PCDH7: variants seen among roughly 807,000 people sequenced by gnomAD.
PCDH7 encodes protocadherin-7.
Under a neutral mutation model 58.9 loss-of-function variants are expected in PCDH7, and 17 were observed. The observed-to-expected ratio is 0.29, with a 90% confidence interval of 0.20 to 0.43. PCDH7 has a LOEUF of 0.43. Among genes scored for constraint, PCDH7 ranks in the 20% least tolerant of loss-of-function variants. The pLI, the probability that PCDH7 is intolerant of heterozygous loss-of-function variation, is 1.00. For missense variants in PCDH7, 1,274 were observed against 1,441.0 expected (o/e 0.88, Z 1.88); for synonymous variants, 664 against 616.4 (o/e 1.08, Z -1.14).
intron 1 of PCDH7, among the ~76,000 whole-genome samples, chr4:30,748,059 G>A (rs1717998911): frequency 6.6e-6 from 1 of 152,146 alleles, no homozygotes; most frequent in Non-Finnish European, 1.5e-5. Flanking sequence ...TAAAATGAAA[G>A]GTTTATTCTC....
chr4:31,077,385 G>A (rs1426327317), intron 3 of PCDH7, among the ~76,000 whole-genome samples: 1 of 147,832 alleles, frequency 6.8e-6, no homozygotes, highest in Non-Finnish European at 1.5e-5. Context: ...CTCCAGCCTG[G>A]GCAACAAGAG....
intron 1 of PCDH7, among the ~76,000 whole-genome samples, chr4:30,916,151 A>G (rs993940235): frequency 5.3e-5 from 8 of 152,084 alleles, no homozygotes; most frequent in Non-Finnish European, 8.8e-5. Context: ...TGAATTAATG[A>G]CTCAATCCAA....
chr4:30,771,660 T>C (rs1209237428), intron 1 of PCDH7, among the ~76,000 whole-genome samples: 1 of 152,224 alleles, frequency 6.6e-6, no homozygotes, highest in Non-Finnish European at 1.5e-5. Context: ...AGAAAATATT[T>C]TGTAACTTTA....
At position 30,721,368 on chromosome 4, in the gene PCDH7, G is replaced by T; in HGVS notation, c.-55G>T. ...GGCAGGCGGCCGGCCCCGGAGGAGG[G>T]GGGCGCCGAGGGGGCTGTGGTTAGA... On this transcript the variant is annotated 5_prime_UTR_variant, in exon 1 of 2. Transcript: ENST00000361762. This position sits in a 1 kb window ranked among gnomAD's most constrained non-coding sequence, Gnocchi z 6.7. The T allele has an allele frequency of 7.0e-7, 1 of 1,421,448 alleles. No homozygotes were observed. The highest frequency in any genetic ancestry group is 1.5e-5 in the South Asian group (1 of 67,316). The allele number at this position is 1,421,448 out of a possible 1,614,324, so 88.1% of individuals were successfully genotyped here.
rs1316659124 is a variant in PCDH7, at chr4:31,142,692, T to A, written c.*227T>A. 3 of 1,367,712 alleles carry A rather than the reference T, an allele frequency of 2.2e-6. No homozygotes were observed. The African/African-American group carries it at 4.4e-5, about 20-fold the overall frequency. The allele number at this position is 1,367,712 out of a possible 1,614,324, so 84.7% of individuals were successfully genotyped here. A position where few individuals can be genotyped will look rare whatever the true frequency, so the allele number is the denominator to read the frequency against. Reference sequence around the variant, plus strand: ...ATCATGGGTGACCGCAACAGAAACCTCCTGAACAAAAAGTTGACCTCATCC... The same window carrying A: ...ATCATGGGTGACCGCAACAGAAACCACCTGAACAAAAAGTTGACCTCATCC... On this transcript the variant is annotated 3_prime_UTR_variant, in exon 4 of 4. Transcript: ENST00000509759.
Position 31,034,682 on chromosome 4 carries a change from T to C in PCDH7, c.*7+84467T>C, listed in dbSNP as rs148701070. Among the ~76,000 whole-genome samples the C allele has an allele frequency of 8.3e-4, 126 of 152,324 alleles. No individual in the cohort carries two copies. In the East Asian group the frequency reaches 0.021, roughly 26 times the overall value. ...ATCTATCGTCATTTCATCATTTCCCTGCCCATTGCTTCCACATTTATCCTA... is the reference window on the plus strand; with the variant it reads ...ATCTATCGTCATTTCATCATTTCCCCGCCCATTGCTTCCACATTTATCCTA... On this transcript the variant is annotated intron_variant, in intron 3 of 3. Coordinates refer to the PCDH7 transcript ENST00000509759.
chr4:30,986,440 C>A (rs549128470), intron 3 of PCDH7, among the ~76,000 whole-genome samples: 4 of 151,964 alleles, frequency 2.6e-5, no homozygotes, highest in South Asian at 2.1e-4. Context: ...AAGGAAAAAA[C>A]CCACCTATTT....
At chr4:30,727,935 T>A (rs954315614) in intron 1 of PCDH7, among the ~76,000 whole-genome samples, 2 of 151,882 alleles carry the variant, frequency 1.3e-5, no homozygotes, top group South Asian at 4.1e-4. Context: ...CACTTACAAG[T>A]AAAAATTTTA....
chr4:31,081,372 T>C (rs1043940912), intron 3 of PCDH7, among the ~76,000 whole-genome samples: 3 of 152,214 alleles, frequency 2.0e-5, no homozygotes, highest in Non-Finnish European at 4.4e-5. Flanking sequence ...AGTTTTTCTA[T>C]TCAATTAATT....
chr4:31,093,615 GA>G (rs1404235812), intron 3 of PCDH7, among the ~76,000 whole-genome samples: 1 of 143,194 alleles, frequency 7.0e-6, no homozygotes, highest in Non-Finnish European at 1.5e-5. Context: ...CACATTACTT[GA>G]AAAAGACATT....
At chr4:30,990,661 A>G (rs1293788893) in intron 3 of PCDH7, among the ~76,000 whole-genome samples, 1 of 152,144 alleles carries the variant, frequency 6.6e-6, no homozygotes, top group African/African-American at 2.4e-5. Flanking sequence ...TGCTAGAGTT[A>G]GGGAATACTT....
At chr4:31,004,535 C>A (rs1432913164) in intron 3 of PCDH7, among the ~76,000 whole-genome samples, 1 of 151,920 alleles carries the variant, frequency 6.6e-6, no homozygotes, top group Admixed American at 6.6e-5. Context: ...CATGGTGAAA[C>A]CCCATCTCTA....
At chr4:30,974,854 G>A (rs931521120) in intron 3 of PCDH7, among the ~76,000 whole-genome samples, 1 of 152,190 alleles carries the variant, frequency 6.6e-6, no homozygotes, top group African/African-American at 2.4e-5. Flanking sequence ...GGCAAGCTAA[G>A]AGAAATTAAT....
chr4:31,019,869 TGG>T (rs1753896787), intron 3 of PCDH7, among the ~76,000 whole-genome samples: 1 of 151,890 alleles, frequency 6.6e-6, no homozygotes, highest in Admixed American at 6.6e-5. Context: ...GAATAGTACC[TGG>T]TATGCTAGGA....
chr4:31,071,345 C>T (rs1392663781), intron 3 of PCDH7, among the ~76,000 whole-genome samples: 1 of 151,944 alleles, frequency 6.6e-6, no homozygotes, highest in Non-Finnish European at 1.5e-5. Flanking sequence ...TGTTTACAAA[C>T]AAGCTTATTT....
intron 1 of PCDH7, among the ~76,000 whole-genome samples, chr4:30,906,359 A>T (rs764511727): frequency 1.3e-5 from 2 of 152,164 alleles, no homozygotes; most frequent in Non-Finnish European, 2.9e-5. Flanking sequence ...AAGATTAGGT[A>T]TTGTCCCATA....
intron 1 of PCDH7, among the ~76,000 whole-genome samples, chr4:30,876,337 G>A (rs1468833103): frequency 1.3e-5 from 2 of 152,108 alleles, no homozygotes; most frequent in African/African-American, 4.8e-5. Context: ...TACATAAAAT[G>A]TGAGAAGTTA....
At chr4:30,987,349 T>G (rs1751065943) in intron 3 of PCDH7, among the ~76,000 whole-genome samples, 1 of 151,970 alleles carries the variant, frequency 6.6e-6, no homozygotes, top group African/African-American at 2.4e-5. Flanking sequence ...ATATTACTGG[T>G]ATGTCTTTTT....
intron 3 of PCDH7, among the ~76,000 whole-genome samples, chr4:31,092,391 T>C (rs1000462279): frequency 2.0e-5 from 3 of 152,000 alleles, no homozygotes; most frequent in African/African-American, 7.2e-5. Flanking sequence ...TCAGCAGCGA[T>C]AACATTTTTA....
Sources: gnomAD v4.1 joint callset for allele counts (sites outside exome capture counted in the v4.1 genomes callset) on GRCh38, gnomAD v4.1.1 for gene constraint, Gnocchi (gnomAD v3.1) non-coding constraint, MANE v1.5 for transcripts, NCBI Gene and HGNC (gene_info 2026-07-23, HGNC 2026-07-21) for gene names.